FYCO1: variants seen among roughly 807,000 people sequenced by gnomAD.
FYCO1 encodes FYVE and coiled-coil domain-containing protein 1.
A neutral mutation model predicts 165.1 loss-of-function variants in FYCO1; 122 were observed. The ratio of observed to expected loss-of-function variants is 0.74; its 90% CI spans 0.64 to 0.86. The LOEUF is 0.86. FYCO1 is among the 40% of genes least tolerant of loss of function. The pLI is 0.00. For missense variants in FYCO1, 1,702 were observed against 1,810.3 expected (o/e 0.94, Z 1.09); for synonymous variants, 648 against 742.5 (o/e 0.87, Z 2.07).
rs1029227993 is a variant in FYCO1 at position 45,993,606 on chromosome 3, T to C, written c.-113+2116A>G. 2.0e-5 allele frequency among the ~76,000 whole-genome samples: 3 copies of C among 152,190 alleles called. No homozygotes were observed. Among genetic ancestry groups the C allele is most frequent in the Non-Finnish European group, 4.4e-5 (3 of 68,018 alleles). On this transcript the variant is annotated intron_variant, in intron 1 of 17. Coordinates refer to ENST00000296137, the MANE Select transcript of FYCO1 (RefSeq NM_024513.4). This position sits in a 1 kb window ranked among gnomAD's most constrained non-coding sequence, Gnocchi z 4.4. The stretch of plus-strand genomic sequence containing the variant: ...TTATCTTTTGACTAAGACAAGAACA[T>C]AGCAGTCATGACGTGAGCAGATGTT...
chr3:45,968,826 C>T (rs1263717966), intron 7 of FYCO1, 123 bp from the exon 8 acceptor site: 2 of 1,124,204 alleles, frequency 1.8e-6, no homozygotes, highest in Non-Finnish European at 2.6e-6. Flanking sequence ...TAAGGTTAGT[C>T]TAAAGAACTA....
Position 45,964,954 on chromosome 3 carries a change from C to G in FYCO1, c.3150+79G>C. 2 of 1,132,862 alleles carry G rather than the reference C, an allele frequency of 1.8e-6. No individual in the cohort carries two copies. The allele number at this position is 1,132,862 out of a possible 1,614,324, so 70.2% of individuals were successfully genotyped here. A position where few individuals can be genotyped will look rare whatever the true frequency, so the allele number is the denominator to read the frequency against. ...TTCAGCTTGGGAATCTGGAGGCATG[C>G]AGGGAGCCCTCTTAAATGGTCCAGT... On this transcript the variant is annotated intron_variant, in intron 9 of 17. Coordinates refer to ENST00000296137, the MANE Select transcript of FYCO1 (RefSeq NM_024513.4). The surrounding 1 kb of genome is among the most constrained non-coding windows in gnomAD (Gnocchi z 4.1).
At chr3:45,974,345 C>T (rs1706610112) in intron 5 of FYCO1, among the ~76,000 whole-genome samples, 2 of 152,098 alleles carry the variant, frequency 1.3e-5, no homozygotes, top group African/African-American at 2.4e-5. Context: ...TGCACTCCCG[C>T]GTGGGCAAAA....
chr3:45,922,498 A>G (rs1412168589), intron 17 of FYCO1, among the ~76,000 whole-genome samples: 1 of 152,156 alleles, frequency 6.6e-6, no homozygotes, highest in Non-Finnish European at 1.5e-5. Context: ...TCCCCAACCC[A>G]TTCTCCTAAC....
chr3:45,984,088 G>A (rs1707192287), intron 2 of FYCO1, among the ~76,000 whole-genome samples: 1 of 152,196 alleles, frequency 6.6e-6, no homozygotes, highest in African/African-American at 2.4e-5. Flanking sequence ...GAAGTGGTCA[G>A]CTTCAGACTG....
At chr3:45,942,227 T>A (rs1328679197) in intron 14 of FYCO1, among the ~76,000 whole-genome samples, 1 of 152,252 alleles carries the variant, frequency 6.6e-6, no homozygotes, top group Non-Finnish European at 1.5e-5. Context: ...CTGACAGTCC[T>A]GGGTGACTGC....
chr3:45,923,958 G>A (rs899781757), intron 16 of FYCO1, among the ~76,000 whole-genome samples, 193 bp from the exon 17 acceptor site: 8 of 152,166 alleles, frequency 5.3e-5, no homozygotes, highest in African/African-American at 7.2e-5. Flanking sequence ...TTGATGACTC[G>A]TGGCTATGAG....
Position 45,918,710 on chromosome 3 carries a change from A to G in FYCO1, c.*3055T>C, listed in dbSNP as rs189672697. On this transcript the variant is annotated 3_prime_UTR_variant, in exon 18 of 18. Transcript: ENST00000296137. ...GCCTGAAATAGTTTCACCACCTTCG[A>G]TGATAATTTTAAAATTTCCAAAACA... 4.5e-4 allele frequency: 68 copies of G among 152,286 alleles called. No homozygotes were observed. Among genetic ancestry groups the G allele is most frequent in the African/African-American group, 1.6e-3 (66 of 41,554 alleles). 9.4% of individuals were successfully genotyped at this position (152,286 alleles called of 1,614,324 possible).
At chr3:45,971,038 TA>T (rs1186749670) in intron 6 of FYCO1, among the ~76,000 whole-genome samples, 2 of 150,242 alleles carry the variant, frequency 1.3e-5, no homozygotes, top group Non-Finnish European at 3.0e-5. Flanking sequence ...TGATCTATAA[TA>T]TTTTATTTCT....
At chr3:45,957,110 A>T (rs1705376320) in intron 13 of FYCO1, among the ~76,000 whole-genome samples, 2 of 152,260 alleles carry the variant, frequency 1.3e-5, no homozygotes, top group Admixed American at 1.3e-4. Context: ...CTACTTTCTC[A>T]TGGCAGCATA....
In FYCO1 at chr3:45,938,822, A is replaced by C. The variant is rs1182068340; in HGVS notation, c.3945-2279T>G. Among the ~76,000 whole-genome samples, 4 of 152,342 alleles carry C rather than the reference A, an allele frequency of 2.6e-5. No homozygotes were observed. In the East Asian group the frequency reaches 7.7e-4, roughly 29 times the overall value. ...GCTCTTGTTTTGACCATATGTATAC[A>C]CACATGCAAACTAGGTAGCCGTGCA... On this transcript the variant is annotated intron_variant, in intron 14 of 17. Coordinates refer to ENST00000296137, the MANE Select transcript of FYCO1 (RefSeq NM_024513.4).
chr3:45,989,398 G>A (rs925093917), intron 1 of FYCO1, among the ~76,000 whole-genome samples: 1 of 152,218 alleles, frequency 6.6e-6, no homozygotes, highest in Admixed American at 6.5e-5. Context: ...CAGCTTCGAA[G>A]GCCTGGAGGT....
intron 1 of FYCO1, among the ~76,000 whole-genome samples, chr3:45,992,594 G>A (rs3947589): frequency 0.15 from 23,483 of 152,100 alleles, 4,861 homozygotes; most frequent in African/African-American, 0.48. Flanking sequence ...TCTGTCCTGG[G>A]GAAGTCATTT....
chr3:45,970,091 GCAGT>G (rs921321870), intron 6 of FYCO1, among the ~76,000 whole-genome samples: 12 of 152,210 alleles, frequency 7.9e-5, no homozygotes, highest in African/African-American at 2.9e-4. Context: ...GGAACAAGCA[GCAGT>G]CAGTTTGGTA....
intron 15 of FYCO1, among the ~76,000 whole-genome samples, chr3:45,935,477 G>T (rs1348215074): frequency 6.6e-6 from 1 of 152,172 alleles, no homozygotes; most frequent in South Asian, 2.1e-4. Context: ...CAGGCACGCT[G>T]GCCCTTTTCT....
intron 16 of FYCO1, among the ~76,000 whole-genome samples, chr3:45,926,096 A>G (rs377563036): frequency 7.9e-5 from 12 of 152,212 alleles, no homozygotes; most frequent in African/African-American, 2.9e-4. Flanking sequence ...TTAGTGAGGA[A>G]GAGAGACAAA....
chr3:45,966,084 G>A (rs1420682056), intron 8 of FYCO1, among the ~76,000 whole-genome samples, 193 bp downstream of exon 8: 3 of 152,190 alleles, frequency 2.0e-5, no homozygotes, highest in Admixed American at 2.0e-4. Flanking sequence ...AATGTTCTGC[G>A]CCTAACATAT....
intron 6 of FYCO1, among the ~76,000 whole-genome samples, chr3:45,970,425 A>G (rs1003990468): frequency 6.6e-6 from 1 of 152,224 alleles, no homozygotes; most frequent in Non-Finnish European, 1.5e-5. Context: ...TCTTCCCTGA[A>G]GACAGTCACA....
In FYCO1 at chr3:45,962,478, G is replaced by GCAGTAGCACCCCTCATTA; in HGVS notation, c.3270-87_3270-86insTAATGAGGGGTGCTACTG. 1.6e-6 allele frequency: 2 copies of GCAGTAGCACCCCTCATTA among 1,241,746 alleles called. No individual in the cohort carries two copies. Among genetic ancestry groups the GCAGTAGCACCCCTCATTA allele is most frequent in the Non-Finnish European group, 2.4e-6 (2 of 841,476 alleles). 76.9% of individuals were successfully genotyped at this position (1,241,746 alleles called of 1,614,324 possible). A position where few individuals can be genotyped will look rare whatever the true frequency, so the allele number is the denominator to read the frequency against. ...AAGCTCACCCAGGACTCTAATGAGGGGTGCTACTGCCCTCCGCCATGGGGG... is the reference window on the plus strand; with the variant it reads ...AAGCTCACCCAGGACTCTAATGAGGGCAGTAGCACCCCTCATTAGTGCTACTGCCCTCCGCCATGGGGG... On this transcript the variant is annotated intron_variant, in intron 10 of 17. Transcript: ENST00000296137. The surrounding 1 kb of genome is among the most constrained non-coding windows in gnomAD (Gnocchi z 4.4).
Sources: gnomAD v4.1 joint callset for allele counts (sites outside exome capture counted in the v4.1 genomes callset) on GRCh38, gnomAD v4.1.1 for gene constraint, Gnocchi (gnomAD v3.1) non-coding constraint, MANE v1.5 for transcripts, NCBI Gene and HGNC (gene_info 2026-07-23, HGNC 2026-07-21) for gene names.